RNFT2: variants seen among roughly 807,000 people sequenced by gnomAD.
RNFT2 encodes the protein E3 ubiquitin-protein ligase RNFT2.
In RNFT2, 36 loss-of-function variants were observed where a neutral mutation model predicts 53.0. The observed-to-expected ratio is 0.68, with a 90% confidence interval of 0.52 to 0.90. The LOEUF is 0.90. Ranked by LOEUF, RNFT2 falls within the 40% of genes least tolerant of loss-of-function variation. The probability of loss-of-function intolerance (pLI) is 0.00; values close to 1 mark genes in which losing one functional copy is unlikely to be tolerated. For synonymous variants in RNFT2, 260 were observed against 253.2 expected, an observed-to-expected ratio of 1.03 and a Z score of -0.26; for missense variants, 514 against 585.6, an observed-to-expected ratio of 0.88 and a Z score of 1.26.
intron 5 of RNFT2, among the ~76,000 whole-genome samples, chr12:116,756,388 G>A (rs1173263039): frequency 2.0e-5 from 3 of 151,990 alleles, no homozygotes; most frequent in Admixed American, 1.3e-4. Flanking sequence ...CTTGGTCGCC[G>A]TTGGTGTATA....
Position 116,750,064 on chromosome 12 carries a change from G to C in RNFT2, c.307G>C (p.Glu103Gln). Residue 103 changes from glutamate to glutamine, a missense_variant, in exon 4 of 11, where the codon GAG becomes CAG. Glu to Gln is a conservative substitution (Grantham distance 29, BLOSUM62 2). Around this residue, in one of 3 missense-constraint regions of RNFT2, gnomAD observed 237 missense variants for 235.1 expected, o/e 1.01. Transcript: ENST00000257575. ...ASREEGGGRG[E>Q]GGAYHHRQPH... ...CAGGGAGGAAGGAGGGGGCCGGGGC[G>C]AGGGGGGCGCCTACCACCACCGCCA... 1 of 1,546,622 alleles carries C rather than the reference G, an allele frequency of 6.5e-7. No individual in the cohort carries two copies. Among genetic ancestry groups the C allele is most frequent in the Middle Eastern group, 1.7e-4 (1 of 5,956 alleles).
At chr12:116,818,781 TTG>T (rs1875829913) in intron 7 of RNFT2, among the ~76,000 whole-genome samples, 1 of 152,192 alleles carries the variant, frequency 6.6e-6, no homozygotes, top group Non-Finnish European at 1.5e-5. Context: ...TCTCCGAGCC[TTG>T]TGTTCTCATC....
At chr12:116,801,836 T>TTTG (rs1565864614) in intron 7 of RNFT2, among the ~76,000 whole-genome samples, 2,572 of 149,880 alleles carry the variant, frequency 0.017, 65 homozygotes, top group African/African-American at 0.061. Context: ...TTGTTTGTTT[T>TTTG]TTTGAGACAG....
intron 3 of RNFT2, among the ~76,000 whole-genome samples, chr12:116,744,085 G>A (rs1465943930): frequency 1.3e-5 from 2 of 152,042 alleles, no homozygotes; most frequent in Admixed American, 1.3e-4. Flanking sequence ...AAATTAGCCA[G>A]TGTGGTGGCA....
At chr12:116,752,411 GATC>G (rs2137077405) in intron 4 of RNFT2, among the ~76,000 whole-genome samples, 1 of 152,138 alleles carries the variant, frequency 6.6e-6, no homozygotes, top group East Asian at 1.9e-4. Context: ...TTGTGAGTAT[GATC>G]ATTTTATTTT....
intron 3 of RNFT2, among the ~76,000 whole-genome samples, chr12:116,747,482 T>G (rs7134604): frequency 0.73 from 110,288 of 151,932 alleles, 40,390 homozygotes; most frequent in East Asian, 0.99. Flanking sequence ...TAGGGAGCTA[T>G]GATCACACTA....
chr12:116,804,263 A>C (rs1874941109), intron 7 of RNFT2, among the ~76,000 whole-genome samples: 1 of 152,260 alleles, frequency 6.6e-6, no homozygotes, highest in Admixed American at 6.5e-5. Flanking sequence ...TCCCTGGACC[A>C]GTAGCATGAG....
chr12:116,809,636 C>A (rs962046518), intron 7 of RNFT2, among the ~76,000 whole-genome samples: 1 of 152,134 alleles, frequency 6.6e-6, no homozygotes, highest in Non-Finnish European at 1.5e-5. Flanking sequence ...GGGCTTCACC[C>A]CTGCCCTCTT....
intron 7 of RNFT2, among the ~76,000 whole-genome samples, chr12:116,824,669 C>T (rs1361648642): frequency 6.6e-6 from 1 of 152,188 alleles, no homozygotes; most frequent in Non-Finnish European, 1.5e-5. Flanking sequence ...TAATTGTGTT[C>T]ATGGTGAAGA....
chr12:116,755,854 C>T, intron 5 of RNFT2: 1 of 1,565,820 alleles, frequency 6.4e-7, no homozygotes, highest in Admixed American at 1.7e-5. Context: ...TGCCTCTCCT[C>T]TTTCCCTTTG....
At chr12:116,792,834 G>A (rs949592868) in intron 7 of RNFT2, among the ~76,000 whole-genome samples, 2 of 152,088 alleles carry the variant, frequency 1.3e-5, no homozygotes, top group Admixed American at 6.6e-5. Context: ...GCTCTTTGCT[G>A]GGCCTCCGCA....
intron 3 of RNFT2, among the ~76,000 whole-genome samples, chr12:116,746,488 ACTGT>A (rs1423308860): frequency 1.3e-5 from 2 of 152,154 alleles, no homozygotes; most frequent in African/African-American, 4.8e-5. Flanking sequence ...GGAGCAGGGG[ACTGT>A]CATTGTCTAG....
chr12:116,813,950 A>G (rs1429767470), intron 7 of RNFT2, among the ~76,000 whole-genome samples: 1 of 152,218 alleles, frequency 6.6e-6, no homozygotes, highest in African/African-American at 2.4e-5. Context: ...AAACAGGACC[A>G]TACCTTTAAT....
intron 10 of RNFT2, among the ~76,000 whole-genome samples, chr12:116,845,270 TATATAGAGAG>T (rs200907895): frequency 1.8e-4 from 21 of 117,786 alleles, no homozygotes; most frequent in African/African-American, 6.2e-4. Flanking sequence ...TATATATATA[TATATAGAGAG>T]AGAGAGAGAG....
chr12:116,835,989 A>G lies in RNFT2; in HGVS notation c.1062A>G (p.Gly354=). Residue 354 remains glycine (G), a synonymous_variant, in exon 9 of 11, where the codon GGA becomes GGG. Coordinates refer to ENST00000257575, the MANE Select transcript of RNFT2 (RefSeq NM_001382266.1). ...TCGACATCTGTGGACGTGTGGGCGGAGTTAGGAAAGCCCTGAAGCTTCTCT... is the reference window on the plus strand; with the variant it reads ...TCGACATCTGTGGACGTGTGGGCGGGGTTAGGAAAGCCCTGAAGCTTCTCT... ...KSFDICGRVG[G]VRKALKLLCT... 6.2e-7 allele frequency: 1 copy of G among 1,613,880 alleles called. No individual in the cohort carries two copies. The highest frequency in any genetic ancestry group is 8.5e-7 in the Non-Finnish European group (1 of 1,179,890).
At chr12:116,777,701 G>T (rs148718399) in intron 6 of RNFT2, among the ~76,000 whole-genome samples, 1 of 152,132 alleles carries the variant, frequency 6.6e-6, no homozygotes, top group Admixed American at 6.5e-5. Context: ...CTGCTGCACC[G>T]CAGGGTCTGT....
rs1873570576 is a variant in RNFT2 at position 116,779,115 on chromosome 12, G to C, written c.729-80G>C. On this transcript the variant is annotated intron_variant, in intron 6 of 10. Transcript: ENST00000257575. ...GCGCTCTTTCTACAGGTGATACTTA[G>C]AAGGCTCCTGAGTGAGTAGAAGGAG... 71 of 1,457,194 alleles carry C rather than the reference G, an allele frequency of 4.9e-5. No individual in the cohort carries two copies. In the South Asian group the frequency reaches 8.2e-4, roughly 17 times the overall value. The allele number at this position is 1,457,194 out of a possible 1,614,324, so 90.3% of individuals were successfully genotyped here. A position where few individuals can be genotyped will look rare whatever the true frequency, so the allele number is the denominator to read the frequency against.
At chr12:116,755,806 TC>T in intron 5 of RNFT2, 1 of 1,553,334 alleles carries the variant, frequency 6.4e-7, no homozygotes. Context: ...AAGGAACAAC[TC>T]CATGTTTTCT....
intron 6 of RNFT2, 105 bp downstream of exon 6, chr12:116,767,019 T>G: frequency 1.4e-6 from 1 of 730,928 alleles, no homozygotes; most frequent in Non-Finnish European, 2.3e-6. Context: ...CTATGTCATG[T>G]TGTAACTTCC....
Sources: gnomAD v4.1 joint callset for allele counts (sites outside exome capture counted in the v4.1 genomes callset) on GRCh38, gnomAD v4.1.1 for gene constraint, gnomAD v4.1.1 regional missense constraint, MANE v1.5 for transcripts, NCBI Gene and HGNC (gene_info 2026-07-23, HGNC 2026-07-21) for gene names.